Variants in TEX9 observed in about 807,000 individuals in gnomAD.
TEX9 encodes the protein testis expressed 9.
In TEX9, 74 loss-of-function variants were observed where a neutral mutation model predicts 59.6. The observed-to-expected ratio is 1.24, with a 90% CI of 1.03 to 1.51. TEX9 has a LOEUF of 1.51. Ranked by LOEUF, TEX9 falls within the 40% of genes most tolerant of loss-of-function variation. The pLI, the probability that TEX9 is intolerant of heterozygous loss-of-function variation, is 0.00. For synonymous variants in TEX9, 186 were observed against 152.2 expected (o/e 1.22, Z -1.64); for missense variants, 522 against 447.8 (o/e 1.17, Z -1.49).
chr15:56,392,520 C>T (rs2048264242), intron 7 of TEX9, among the ~76,000 whole-genome samples: 2 of 152,288 alleles, frequency 1.3e-5, no homozygotes, highest in East Asian at 3.9e-4. Flanking sequence ...CACCAGGCCC[C>T]ACCTCCAACA....
chr15:56,422,271 AAAAT>A (rs1171970218), intron 10 of TEX9, among the ~76,000 whole-genome samples: 1 of 151,858 alleles, frequency 6.6e-6, no homozygotes, highest in Admixed American at 6.5e-5. Context: ...ATAAAATAAA[AAAAT>A]AAAAAAATCC....
chr15:56,431,356 A>AGAT, intron 12 of TEX9: 3 of 1,608,462 alleles, frequency 1.9e-6, no homozygotes, highest in Non-Finnish European at 1.7e-6. Flanking sequence ...TTACAACTTG[A>AGAT]GATAAATCTC....
At chr15:56,350,860 A>G (rs531217777) in intron 1 of TEX9, among the ~76,000 whole-genome samples, 25 of 152,354 alleles carry the variant, frequency 1.6e-4, no homozygotes, top group African/African-American at 5.8e-4. Flanking sequence ...AGGTAGCTGA[A>G]GCCAAGACCA....
chr15:56,441,426 T>C (rs1567150231), intron 12 of TEX9, among the ~76,000 whole-genome samples: 1 of 152,202 alleles, frequency 6.6e-6, no homozygotes. Flanking sequence ...TACGATATCC[T>C]GCGGTTCTGA....
intron 1 of TEX9, among the ~76,000 whole-genome samples, chr15:56,245,220 T>C (rs1003354211): frequency 2.0e-5 from 3 of 152,160 alleles, no homozygotes; most frequent in African/African-American, 4.8e-5. Flanking sequence ...TGAAACCCTC[T>C]TGCTTTTGTC....
intron 1 of TEX9, among the ~76,000 whole-genome samples, chr15:56,257,007 T>G (rs1341752580): frequency 6.6e-6 from 1 of 152,060 alleles, no homozygotes; most frequent in Non-Finnish European, 1.5e-5. Flanking sequence ...TCTCATCATT[T>G]AGCTCCCACT....
At chr15:56,349,387 G>T (rs779983514) in intron 1 of TEX9, among the ~76,000 whole-genome samples, 62 of 152,182 alleles carry the variant, frequency 4.1e-4, no homozygotes, top group Non-Finnish European at 7.9e-4. Context: ...TGTAATTCAG[G>T]GGTCAGCTAG....
chr15:56,404,924 T>G (rs996526243), intron 9 of TEX9, among the ~76,000 whole-genome samples: 1 of 151,992 alleles, frequency 6.6e-6, no homozygotes, highest in Non-Finnish European at 1.5e-5. Context: ...TAGGTGGGAA[T>G]TGAACAATGA....
chr15:56,382,323 C>T (rs547940401), intron 3 of TEX9, among the ~76,000 whole-genome samples: 1 of 152,298 alleles, frequency 6.6e-6, no homozygotes, highest in South Asian at 2.1e-4. Context: ...TGGAATCAGG[C>T]ACCCCAAGAG....
intron 1 of TEX9, among the ~76,000 whole-genome samples, chr15:56,346,760 A>C (rs1481828753): frequency 6.6e-6 from 1 of 152,202 alleles, no homozygotes; most frequent in Non-Finnish European, 1.5e-5. Context: ...AGGAAATTAA[A>C]CGCATAAAAA....
At chr15:56,276,520 A>G (rs1199600396) in intron 1 of TEX9, among the ~76,000 whole-genome samples, 1 of 152,014 alleles carries the variant, frequency 6.6e-6, no homozygotes, top group Non-Finnish European at 1.5e-5. Flanking sequence ...ATTCTTTTTT[A>G]TGGTTGAATA....
At chr15:56,286,830 G>A (rs1463590578) in intron 1 of TEX9, among the ~76,000 whole-genome samples, 1 of 151,994 alleles carries the variant, frequency 6.6e-6, no homozygotes, top group Non-Finnish European at 1.5e-5. Context: ...TCCCCAAGTT[G>A]CATCCAAGTG....
intron 1 of TEX9, among the ~76,000 whole-genome samples, chr15:56,317,176 C>T (rs1360702895): frequency 1.3e-5 from 2 of 152,212 alleles, no homozygotes; most frequent in Non-Finnish European, 2.9e-5. Flanking sequence ...GGCTCCTCCC[C>T]CCTTGTGGGA....
intron 7 of TEX9, among the ~76,000 whole-genome samples, chr15:56,392,822 C>T (rs375907976): frequency 3.3e-5 from 5 of 152,064 alleles, no homozygotes; most frequent in Admixed American, 6.6e-5. Flanking sequence ...GATTGTTCCT[C>T]GGTAGAGGAA....
At chr15:56,358,339 G>GTTTT (rs34048615) in intron 1 of TEX9, among the ~76,000 whole-genome samples, 2 of 144,428 alleles carry the variant, frequency 1.4e-5, no homozygotes, top group Non-Finnish European at 3.0e-5. Flanking sequence ...GCATAGATAA[G>GTTTT]TTTTTTTTTT....
At chr15:56,426,500 C>G (rs2050254115) in intron 10 of TEX9, among the ~76,000 whole-genome samples, 1 of 146,930 alleles carries the variant, frequency 6.8e-6, no homozygotes, top group African/African-American at 2.5e-5. Flanking sequence ...AATGGGGAAG[C>G]AAAGGCCTGG....
intron 1 of TEX9, among the ~76,000 whole-genome samples, chr15:56,337,216 A>T (rs1467146199): frequency 6.6e-6 from 1 of 152,108 alleles, no homozygotes; most frequent in Non-Finnish European, 1.5e-5. Flanking sequence ...TGTTCCACAC[A>T]TTCTATATCC....
At chr15:56,355,779 C>T (rs770195897) in intron 1 of TEX9, among the ~76,000 whole-genome samples, 2 of 152,038 alleles carry the variant, frequency 1.3e-5, no homozygotes, top group African/African-American at 2.4e-5. Context: ...TTTCAGCATA[C>T]ATATTTTGTA....
chr15:56,296,831 CTTTTTTG>C (rs1340961732), intron 1 of TEX9, among the ~76,000 whole-genome samples: 2 of 151,834 alleles, frequency 1.3e-5, no homozygotes, highest in African/African-American at 2.4e-5. Context: ...TTTTCTTTTT[CTTTTTTG>C]TTTTTTGTTT....
Sources: allele counts gnomAD v4.1 joint callset (sites outside exome capture counted in the v4.1 genomes callset), GRCh38; gene constraint gnomAD v4.1.1; transcripts MANE v1.5; gene names NCBI Gene and HGNC (gene_info 2026-07-23, HGNC 2026-07-21).